The following PRKAR1B variants were observed in gnomAD, a reference collection of about 807,000 sequenced individuals.
PRKAR1B encodes protein kinase cAMP-dependent type I regulatory subunit beta, also known as cAMP-dependent protein kinase type I-beta regulatory subunit.
A neutral mutation model predicts 46.5 loss-of-function variants in PRKAR1B; 22 were observed. That is an observed-to-expected ratio of 0.47 (90% CI 0.34 to 0.68). PRKAR1B has a LOEUF of 0.68. PRKAR1B is among the 30% of genes least tolerant of loss of function. The pLI is 0.01. For missense variants in PRKAR1B, 445 were observed against 535.6 expected (o/e 0.83, Z 1.67); for synonymous variants, 259 against 217.7 (o/e 1.19, Z -1.67).
At chr7:570,734 AC>A (rs1779457806) in intron 9 of PRKAR1B, among the ~76,000 whole-genome samples, 1 of 151,896 alleles carries the variant, frequency 6.6e-6, no homozygotes, top group Non-Finnish European at 1.5e-5. Context: ...TGGCGTTCCA[AC>A]CCCGGTCAGC....
At chr7:650,790 C>T (rs1784866292) in intron 4 of PRKAR1B, among the ~76,000 whole-genome samples, 1 of 152,174 alleles carries the variant, frequency 6.6e-6, no homozygotes, top group African/African-American at 2.4e-5. Context: ...ACGTCATTTG[C>T]CAAGGTCACG....
intron 8 of PRKAR1B, among the ~76,000 whole-genome samples, chr7:582,262 G>A (rs1164766792): frequency 2.6e-5 from 4 of 152,252 alleles, no homozygotes; most frequent in Non-Finnish European, 5.9e-5. Flanking sequence ...CCTAGGGGCC[G>A]AGCCCTGCGC....
chr7:628,817 G>A (rs968030998), intron 4 of PRKAR1B, among the ~76,000 whole-genome samples: 2 of 132,868 alleles, frequency 1.5e-5, no homozygotes, highest in African/African-American at 2.8e-5. Flanking sequence ...GAAATTCCTC[G>A]CCCACCCCCA....
At chr7:697,934 A>G (rs569089501) in intron 2 of PRKAR1B, among the ~76,000 whole-genome samples, 94 of 88,850 alleles carry the variant, frequency 1.1e-3, no homozygotes, top group Middle Eastern at 6.3e-3. Flanking sequence ...GAGGGGAGGG[A>G]AGGGAAGGGA....
rs542093908 is a variant in PRKAR1B, at chr7:722,881, CAGGTCCAGGGTGT to C, written c.-23+4316_-23+4328del. ...TATTCCACCAGGCAGTTGCTCTGTT[CAGGTCCAGGGTGT>C]AGATTGCAGCCTGTTTTTGTGGTCT... On this transcript the variant is annotated intron_variant, in intron 1 of 10. Coordinates refer to ENST00000537384, the MANE Select transcript of PRKAR1B (RefSeq NM_001164760.2). Among the ~76,000 whole-genome samples the C allele has an allele frequency of 1.5e-3, 229 of 152,330 alleles. 1 individual carries two copies. The highest frequency in any genetic ancestry group is 5.3e-3 in the African/African-American group (219 of 41,568).
chr7:663,956 T>A (rs1425937747), intron 4 of PRKAR1B, among the ~76,000 whole-genome samples: 1 of 152,172 alleles, frequency 6.6e-6, no homozygotes, highest in African/African-American at 2.4e-5. Context: ...CCGTGTGACC[T>A]GGGCAAGCCC....
rs76714196 is a variant in PRKAR1B, at chr7:606,213, C to G, written c.529G>C (p.Val177Leu). 4.4e-5 allele frequency: 71 copies of G among 1,613,828 alleles called. No individual in the cohort carries two copies. Among genetic ancestry groups the G allele is most frequent in the African/African-American group, 1.6e-4 (12 of 74,924 alleles). ...CTCACATCCACTTCCCCTTGATCAA[C>G]GACATAGAAGTTGTCTCCTTCATTC... ...QGNEGDNFYV[V>L]DQGEVDVYVN... The change falls in exon 6 of 11, where the codon GTT becomes CTT. Residue 177 changes from valine to leucine, a missense_variant. Transcript: ENST00000537384.
chr7:572,673 T>C (rs1779588127), intron 9 of PRKAR1B, among the ~76,000 whole-genome samples: 1 of 152,194 alleles, frequency 6.6e-6, no homozygotes, highest in Non-Finnish European at 1.5e-5. Context: ...CAGGCTGCCA[T>C]TGCAGACTGG....
chr7:669,880 T>C (rs1343885933), intron 4 of PRKAR1B, among the ~76,000 whole-genome samples: 1 of 148,482 alleles, frequency 6.7e-6, no homozygotes, highest in African/African-American at 2.5e-5. Context: ...TTTTTTTTTT[T>C]TTTGAGACGG....
chr7:655,477 C>A (rs1349596514), intron 4 of PRKAR1B, among the ~76,000 whole-genome samples: 1 of 152,238 alleles, frequency 6.6e-6, no homozygotes, highest in Non-Finnish European at 1.5e-5. Flanking sequence ...CTTCCCTTCT[C>A]AGCATGGCTT....
In PRKAR1B at chr7:685,331, T is replaced by C. The variant is rs1398675525; in HGVS notation, c.178-4605A>G. On this transcript the variant is annotated intron_variant, in intron 2 of 10. Coordinates refer to ENST00000537384, the MANE Select transcript of PRKAR1B (RefSeq NM_001164760.2). ...ACGTATATATACGTATATATACGTA[T>C]ATATACGTATATATATGTATACATA... Among the ~76,000 whole-genome samples the C allele has an allele frequency of 1.3e-4, 12 of 91,044 alleles. 1 individual carries two copies. Among genetic ancestry groups the C allele is most frequent in the African/African-American group, 5.3e-4 (11 of 20,674 alleles). The allele number at this position is 91,044 out of a possible 152,430, so 59.7% of individuals were successfully genotyped here. A position where few individuals can be genotyped will look rare whatever the true frequency, so the allele number is the denominator to read the frequency against.
chr7:601,015 C>T (rs994143174), intron 6 of PRKAR1B, among the ~76,000 whole-genome samples: 1 of 152,192 alleles, frequency 6.6e-6, no homozygotes, highest in African/African-American at 2.4e-5. Flanking sequence ...ACCTGGCCGT[C>T]CCCCTGGACG....
At chr7:624,018 C>A (rs1297597719) in intron 4 of PRKAR1B, among the ~76,000 whole-genome samples, 4 of 152,194 alleles carry the variant, frequency 2.6e-5, no homozygotes, top group Non-Finnish European at 5.9e-5. Context: ...GCGTCCAGCC[C>A]TGGATGTTCA....
At chr7:592,171 C>G (rs1781014024) in intron 7 of PRKAR1B, among the ~76,000 whole-genome samples, 1 of 152,194 alleles carries the variant, frequency 6.6e-6, no homozygotes, top group Non-Finnish European at 1.5e-5. Flanking sequence ...CTCAGCACAT[C>G]ACGGCTGCCT....
chr7:677,401 C>T (rs764938379), intron 3 of PRKAR1B, 81 bp from the exon 4 acceptor site: 26 of 1,163,950 alleles, frequency 2.2e-5, no homozygotes, highest in African/African-American at 3.0e-5. Flanking sequence ...CTACTCCACC[C>T]TCAGCCTGCT....
chr7:583,403 C>T (rs1247983965), intron 8 of PRKAR1B, among the ~76,000 whole-genome samples: 1 of 141,228 alleles, frequency 7.1e-6, no homozygotes, highest in Non-Finnish European at 1.6e-5. Flanking sequence ...ACCCCCCACA[C>T]GTGTGCACAC....
intron 9 of PRKAR1B, among the ~76,000 whole-genome samples, chr7:556,059 T>A (rs1241411759): frequency 6.6e-6 from 1 of 151,646 alleles, no homozygotes; most frequent in Non-Finnish European, 1.5e-5. Flanking sequence ...GCCCCGGGAG[T>A]GGCCAGCACG....
chr7:718,184 G>A (rs541262155), intron 1 of PRKAR1B, among the ~76,000 whole-genome samples: 18 of 151,614 alleles, frequency 1.2e-4, no homozygotes, highest in Non-Finnish European at 2.4e-4. Flanking sequence ...AGAGGACCCA[G>A]TAAAGCCATG....
At chr7:711,198 T>C (rs1780605331) in intron 2 of PRKAR1B, 131 bp downstream of exon 2, 2 of 1,294,930 alleles carry the variant, frequency 1.5e-6, no homozygotes, top group South Asian at 1.4e-5. Context: ...TGGAAGGACC[T>C]GCAGGACGGC....
Sources: gnomAD v4.1 joint callset for allele counts (sites outside exome capture counted in the v4.1 genomes callset) on GRCh38, gnomAD v4.1.1 for gene constraint, MANE v1.5 for transcripts, NCBI Gene and HGNC (gene_info 2026-07-23, HGNC 2026-07-21) for gene names.